The following HS3ST5 variants were observed in gnomAD, a reference collection of about 807,000 sequenced individuals.
HS3ST5 encodes the protein heparan sulfate-glucosamine 3-sulfotransferase 5.
HS3ST5 carries 10 observed loss-of-function variants against 25.4 expected under a neutral mutation model. That is an observed-to-expected ratio of 0.39 (90% CI 0.24 to 0.67). The LOEUF (loss-of-function observed/expected upper bound fraction) is 0.67. Ranked by LOEUF, HS3ST5 falls within the 30% of genes least tolerant of loss-of-function variation. The pLI is 0.44. For missense variants in HS3ST5, 324 were observed against 420.7 expected, an observed-to-expected ratio of 0.77 and a Z score of 2.01; for synonymous variants, 170 against 162.4, an observed-to-expected ratio of 1.05 and a Z score of -0.36.
At chr6:114,112,271 G>A (rs1192035619) in intron 3 of HS3ST5, 1 of 152,354 alleles carries the variant, frequency 6.6e-6, no homozygotes, top group Non-Finnish European at 1.5e-5. Context: ...GGTGGGCCCA[G>A]TGTAATCTCA....
intron 1 of HS3ST5, among the ~76,000 whole-genome samples, chr6:114,290,286 C>G (rs1445705407): frequency 2.0e-5 from 3 of 152,162 alleles, no homozygotes; most frequent in Non-Finnish European, 2.9e-5. Context: ...AATGCAGTGG[C>G]TACTGCTTTT....
At chr6:114,231,073 G>A (rs956488693) in intron 1 of HS3ST5, among the ~76,000 whole-genome samples, 2 of 152,032 alleles carry the variant, frequency 1.3e-5, no homozygotes, top group African/African-American at 2.4e-5. Flanking sequence ...GGATCATGGG[G>A]GTGGGTTTCT....
intron 1 of HS3ST5, among the ~76,000 whole-genome samples, chr6:114,275,038 C>T (rs189914026): frequency 1.3e-5 from 2 of 151,652 alleles, no homozygotes; most frequent in Admixed American, 6.6e-5. Flanking sequence ...TGACTATACA[C>T]GGTGACAGAG....
intron 1 of HS3ST5, among the ~76,000 whole-genome samples, chr6:114,256,383 C>T (rs562664885): frequency 6.7e-6 from 1 of 148,200 alleles, no homozygotes; most frequent in Admixed American, 6.7e-5. Flanking sequence ...GCAAGACTCC[C>T]TCTCAAAAAA....
intron 1 of HS3ST5, among the ~76,000 whole-genome samples, chr6:114,262,359 A>G (rs1773213081): frequency 1.3e-5 from 2 of 152,182 alleles, no homozygotes; most frequent in African/African-American, 4.8e-5. Flanking sequence ...CATCCTGGCT[A>G]ACATGGTGAA....
intron 3 of HS3ST5, among the ~76,000 whole-genome samples, chr6:114,139,507 CT>C (rs903828064): frequency 6.6e-5 from 10 of 152,044 alleles, no homozygotes; most frequent in African/African-American, 2.4e-4. Context: ...ATGAATAGCG[CT>C]GGAAACATAG....
chr6:114,162,175 G>C (rs1261951196), intron 3 of HS3ST5, among the ~76,000 whole-genome samples: 1 of 152,070 alleles, frequency 6.6e-6, no homozygotes, highest in African/African-American at 2.4e-5. Flanking sequence ...TTTAGATTTT[G>C]CTAAAAGAAG....
intron 2 of HS3ST5, among the ~76,000 whole-genome samples, chr6:114,205,464 A>G (rs576904479): frequency 1.3e-5 from 2 of 152,222 alleles, no homozygotes; most frequent in African/African-American, 4.8e-5. Context: ...TGCCCTCCCA[A>G]TGTATCAACA....
chr6:114,201,763 A>G (rs1781025974), intron 2 of HS3ST5, among the ~76,000 whole-genome samples: 1 of 152,188 alleles, frequency 6.6e-6, no homozygotes, highest in South Asian at 2.1e-4. Flanking sequence ...GAGGTAATTT[A>G]TAAAGGAAAG....
chr6:114,094,118 G>A (rs1775294869), intron 3 of HS3ST5, among the ~76,000 whole-genome samples: 1 of 152,136 alleles, frequency 6.6e-6, no homozygotes, highest in South Asian at 2.1e-4. Context: ...AGAAAAAAGG[G>A]GATGAGGTAG....
chr6:114,177,552 T>C (rs1346947488), intron 2 of HS3ST5, among the ~76,000 whole-genome samples: 2 of 152,218 alleles, frequency 1.3e-5, no homozygotes, highest in Non-Finnish European at 2.9e-5. Flanking sequence ...GCCTTATTTC[T>C]AAAGTATGAT....
At chr6:114,260,369 G>A (rs892310860) in intron 1 of HS3ST5, among the ~76,000 whole-genome samples, 1 of 152,082 alleles carries the variant, frequency 6.6e-6, no homozygotes, top group Non-Finnish European at 1.5e-5. Flanking sequence ...TTACAAAATC[G>A]CTAAAATTCT....
At chr6:114,321,622 T>C (rs1775975884) in intron 1 of HS3ST5, among the ~76,000 whole-genome samples, 1 of 152,106 alleles carries the variant, frequency 6.6e-6, no homozygotes, top group Non-Finnish European at 1.5e-5. Flanking sequence ...CACAACACAA[T>C]AATAAATGAA....
chr6:114,145,659 A>T (rs1197117001), intron 3 of HS3ST5, among the ~76,000 whole-genome samples: 6 of 152,190 alleles, frequency 3.9e-5, no homozygotes, highest in Non-Finnish European at 8.8e-5. Flanking sequence ...AGGGTCAAGG[A>T]CACCAAAGCA....
intron 3 of HS3ST5, among the ~76,000 whole-genome samples, chr6:114,147,956 C>A (rs912204937): frequency 6.6e-6 from 1 of 151,994 alleles, no homozygotes; most frequent in African/African-American, 2.4e-5. Flanking sequence ...CTCCTTCATC[C>A]GAATGCATAA....
intron 4 of HS3ST5, among the ~76,000 whole-genome samples, chr6:114,060,342 C>T (rs553235734): frequency 5.3e-4 from 80 of 152,104 alleles, no homozygotes; most frequent in African/African-American, 1.8e-3. Context: ...GGATTTAACC[C>T]GGTTAATAGT....
intron 1 of HS3ST5, among the ~76,000 whole-genome samples, chr6:114,265,246 T>A (rs1773354337): frequency 6.6e-6 from 1 of 152,038 alleles, no homozygotes; most frequent in African/African-American, 2.4e-5. Context: ...GAGAAGAGAA[T>A]GTATCAAAAT....
chr6:114,177,372 T>C (rs1414188487), intron 2 of HS3ST5, among the ~76,000 whole-genome samples: 2 of 152,214 alleles, frequency 1.3e-5, no homozygotes, highest in African/African-American at 4.8e-5. Flanking sequence ...ATAATCACTC[T>C]AGTGTTCCTA....
At chr6:114,302,786 C>G (rs987281368) in intron 1 of HS3ST5, among the ~76,000 whole-genome samples, 15 of 152,074 alleles carry the variant, frequency 9.9e-5, no homozygotes, top group African/African-American at 3.6e-4. Flanking sequence ...TTTATGTCTT[C>G]ATTATTCATA....
Sources: gnomAD v4.1 joint callset for allele counts (sites outside exome capture counted in the v4.1 genomes callset) on GRCh38, gnomAD v4.1.1 for gene constraint, MANE v1.5 for transcripts, NCBI Gene and HGNC (gene_info 2026-07-23, HGNC 2026-07-21) for gene names.